Variants in ARHGAP15 observed in about 807,000 individuals in gnomAD.
ARHGAP15 encodes the protein Rho GTPase activating protein 15, also known as rho GTPase-activating protein 15.
Under a neutral mutation model 63.7 loss-of-function variants are expected in ARHGAP15, and 51 were observed. The ratio of observed to expected loss-of-function variants is 0.80; its 90% CI spans 0.64 to 1.01. ARHGAP15 has a LOEUF of 1.01. Among genes scored for constraint, ARHGAP15 ranks in the 50% least tolerant of loss-of-function variants. The pLI is 0.00. For synonymous variants in ARHGAP15, 191 were observed against 193.8 expected (o/e 0.99, Z 0.12); for missense variants, 560 against 564.6 (o/e 0.99, Z 0.08).
At chr2:143,379,586 T>C (rs568370336) in intron 6 of ARHGAP15, among the ~76,000 whole-genome samples, 11 of 151,824 alleles carry the variant, frequency 7.2e-5, no homozygotes, top group Non-Finnish European at 1.0e-4. Flanking sequence ...ATTCTCTCTT[T>C]AGTTTCCTGA....
At chr2:143,273,984 A>G (rs1477730584) in intron 6 of ARHGAP15, among the ~76,000 whole-genome samples, 1 of 152,136 alleles carries the variant, frequency 6.6e-6, no homozygotes, top group Non-Finnish European at 1.5e-5. Flanking sequence ...AAATATCTGA[A>G]TTTGATACAT....
intron 9 of ARHGAP15, among the ~76,000 whole-genome samples, chr2:143,514,834 T>A (rs969746979): frequency 1.3e-5 from 2 of 152,166 alleles, no homozygotes; most frequent in African/African-American, 4.8e-5. Context: ...AGCTCTTCTT[T>A]GGCAATAGCA....
chr2:143,394,187 A>T (rs1687663612), intron 6 of ARHGAP15, among the ~76,000 whole-genome samples: 1 of 152,164 alleles, frequency 6.6e-6, no homozygotes, highest in African/African-American at 2.4e-5. Flanking sequence ...CTTAACTTCC[A>T]TACAACTTTA....
intron 4 of ARHGAP15, among the ~76,000 whole-genome samples, chr2:143,225,627 C>T (rs1171659090): frequency 6.6e-6 from 1 of 151,920 alleles, no homozygotes; most frequent in East Asian, 1.9e-4. Flanking sequence ...CAAAACAAAA[C>T]AAAACAAAAC....
intron 13 of ARHGAP15, among the ~76,000 whole-genome samples, chr2:143,759,034 A>G (rs1285359749): frequency 6.6e-6 from 1 of 152,212 alleles, no homozygotes. Context: ...TTGGGGCTAG[A>G]TAATTCTTTG....
intron 13 of ARHGAP15, among the ~76,000 whole-genome samples, chr2:143,726,141 G>GC (rs1372108834): frequency 6.6e-6 from 1 of 152,202 alleles, no homozygotes; most frequent in Non-Finnish European, 1.5e-5. Context: ...TGCATGATTA[G>GC]CACTGTGACA....
At chr2:143,244,600 G>A (rs1693977996) in intron 5 of ARHGAP15, among the ~76,000 whole-genome samples, 1 of 152,206 alleles carries the variant, frequency 6.6e-6, no homozygotes. Flanking sequence ...TAGCTGGTGT[G>A]AAGAATGGGA....
chr2:143,351,990 T>C (rs925661451), intron 6 of ARHGAP15, among the ~76,000 whole-genome samples: 2 of 152,184 alleles, frequency 1.3e-5, no homozygotes, highest in Non-Finnish European at 2.9e-5. Context: ...GATACCATTA[T>C]CTTGGACTAA....
At chr2:143,733,835 G>A (rs1399203288) in intron 13 of ARHGAP15, among the ~76,000 whole-genome samples, 1 of 152,084 alleles carries the variant, frequency 6.6e-6, no homozygotes, top group Non-Finnish European at 1.5e-5. Context: ...CAATACCTAA[G>A]ATGGAATTTC....
At chr2:143,439,025 A>G (rs1372147876) in intron 8 of ARHGAP15, among the ~76,000 whole-genome samples, 1 of 151,632 alleles carries the variant, frequency 6.6e-6, no homozygotes, top group Non-Finnish European at 1.5e-5. Flanking sequence ...GATGCTGCTG[A>G]AAAAAAAATC....
chr2:143,284,498 T>TA (rs1245185096), intron 6 of ARHGAP15, among the ~76,000 whole-genome samples: 3 of 152,150 alleles, frequency 2.0e-5, no homozygotes, highest in Admixed American at 6.6e-5. Flanking sequence ...TCAGCTGAGC[T>TA]AAAAGACAAT....
At chr2:143,316,255 C>T (rs2105206098) in intron 6 of ARHGAP15, among the ~76,000 whole-genome samples, 1 of 152,044 alleles carries the variant, frequency 6.6e-6, no homozygotes, top group Non-Finnish European at 1.5e-5. Flanking sequence ...TGCAAAAATG[C>T]CATTCTCAAA....
At chr2:143,516,403 C>A (rs866762033) in intron 9 of ARHGAP15, among the ~76,000 whole-genome samples, 1 of 152,108 alleles carries the variant, frequency 6.6e-6, no homozygotes, top group African/African-American at 2.4e-5. Flanking sequence ...TACAAACATA[C>A]ACACACTGCA....
intron 6 of ARHGAP15, among the ~76,000 whole-genome samples, chr2:143,414,288 TA>T (rs1688586332): frequency 6.6e-6 from 1 of 151,652 alleles, no homozygotes; most frequent in African/African-American, 2.4e-5. Context: ...GCTGTTCCCT[TA>T]AAAAGAAACA....
chr2:143,408,697 A>G (rs1688318159), intron 6 of ARHGAP15, among the ~76,000 whole-genome samples: 1 of 151,956 alleles, frequency 6.6e-6, no homozygotes. Flanking sequence ...TAATTGCAAA[A>G]AAGTAAAATA....
chr2:143,498,678 C>T (rs1692927152), intron 9 of ARHGAP15, among the ~76,000 whole-genome samples: 1 of 152,032 alleles, frequency 6.6e-6, no homozygotes, highest in Non-Finnish European at 1.5e-5. Flanking sequence ...GAGCTCCCAC[C>T]CCCCAAAATT....
chr2:143,507,083 A>G (rs1051961046), intron 9 of ARHGAP15, among the ~76,000 whole-genome samples: 4 of 152,138 alleles, frequency 2.6e-5, no homozygotes, highest in African/African-American at 7.2e-5. Flanking sequence ...ATCTTTTCCT[A>G]CCGTGTAAAG....
At chr2:143,219,288 C>A (rs1013327794) in intron 4 of ARHGAP15, among the ~76,000 whole-genome samples, 1 of 152,194 alleles carries the variant, frequency 6.6e-6, no homozygotes, top group African/African-American at 2.4e-5. Context: ...AGCCTAGGAG[C>A]AATAGGCTAT....
intron 11 of ARHGAP15, among the ~76,000 whole-genome samples, chr2:143,566,894 T>C (rs1226515118): frequency 1.4e-5 from 1 of 70,110 alleles, no homozygotes; most frequent in East Asian, 5.7e-4. Flanking sequence ...TTGCTGCTGC[T>C]TTTTTTTTTT....
Sources: allele counts gnomAD v4.1 joint callset (sites outside exome capture counted in the v4.1 genomes callset), GRCh38; gene constraint gnomAD v4.1.1; transcripts MANE v1.5; gene names NCBI Gene and HGNC (gene_info 2026-07-23, HGNC 2026-07-21).